POMGNT2: variants seen among roughly 807,000 people sequenced by gnomAD.
The protein encoded by POMGNT2 is protein O-linked mannose N-acetylglucosaminyltransferase 2 (beta 1,4-).
A neutral mutation model predicts 37.8 loss-of-function variants in POMGNT2; 32 were observed. The ratio of observed to expected loss-of-function variants is 0.85; its 90% confidence interval spans 0.64 to 1.14. The LOEUF is 1.14. Among genes scored for constraint, POMGNT2 ranks in the 50% most tolerant of loss-of-function variants. The probability of loss-of-function intolerance (pLI) is 0.00; values close to 1 mark genes in which losing one functional copy is unlikely to be tolerated. For synonymous variants in POMGNT2, 340 were observed against 336.8 expected (o/e 1.01, Z -0.10); for missense variants, 705 against 780.6 (o/e 0.90, Z 1.15).
intron 1 of POMGNT2, among the ~76,000 whole-genome samples, chr3:43,095,387 C>T (rs894209885): frequency 3.3e-5 from 5 of 152,242 alleles, no homozygotes; most frequent in Admixed American, 6.5e-5. Context: ...CTTACAGAGC[C>T]TCCAATGAGA....
Position 43,080,987 on chromosome 3 carries a change from C to G in POMGNT2, c.445G>C (p.Val149Leu). 6.2e-7 allele frequency: 1 copy of G among 1,614,212 alleles called. No individual in the cohort carries two copies. Among genetic ancestry groups the G allele is most frequent in the Non-Finnish European group, 8.5e-7 (1 of 1,180,028 alleles). The change falls in exon 2 of 2, where the codon GTG becomes CTG. Residue 149 changes from valine to leucine, a missense_variant. Val to Leu is a conservative substitution (Grantham distance 32). Transcript: ENST00000344697. Reference protein sequence around the residue: ...ALRFMPKPVFVPDVALIANRF... With the variant: ...ALRFMPKPVFLPDVALIANRF... ...TTGGCGATGAGGGCCACGTCTGGCACGAACACCGGCTTGGGCATGAAGCGC... is the reference window on the plus strand; with the variant it reads ...TTGGCGATGAGGGCCACGTCTGGCAGGAACACCGGCTTGGGCATGAAGCGC...
intron 1 of POMGNT2, among the ~76,000 whole-genome samples, chr3:43,105,347 C>T (rs1227239377): frequency 6.6e-6 from 1 of 152,218 alleles, no homozygotes; most frequent in Non-Finnish European, 1.5e-5. Context: ...CCCAAAGCGC[C>T]CAGGAATCAG....
chr3:43,089,214 G>T (rs2089923033), intron 1 of POMGNT2, among the ~76,000 whole-genome samples: 1 of 152,240 alleles, frequency 6.6e-6, no homozygotes, highest in South Asian at 2.1e-4. Flanking sequence ...CAGAAGGTGG[G>T]CTTCAGTGAG....
chr3:43,079,918 G>A lies in POMGNT2; in HGVS notation c.1514C>T (p.Ser505Phe), dbSNP rs144799574. The A allele has an allele frequency of 4.3e-6, 7 of 1,614,040 alleles. No homozygotes were observed. Among genetic ancestry groups the A allele is most frequent in the Admixed American group, 3.3e-5 (2 of 60,004 alleles). ...TTTAAGGTTCCATGGGATCTGCCAG[G>A]AGACAGTGAGGCGGGCCTCGGAGGC... ...HGASEARLTV[S>F]WQIPWNLKYL... The change falls in exon 2 of 2, where the codon TCC becomes TTC. Residue 505 changes from serine to phenylalanine, a missense_variant. Transcript: ENST00000344697.
intron 1 of POMGNT2, among the ~76,000 whole-genome samples, chr3:43,102,416 A>AAAG: frequency 6.6e-6 from 1 of 152,346 alleles, no homozygotes; most frequent in Middle Eastern, 3.4e-3. Context: ...TGGCAGAGTG[A>AAAG]AAGATCTGAT....
chr3:43,091,214 G>A (rs2089940685), intron 1 of POMGNT2, among the ~76,000 whole-genome samples: 1 of 151,926 alleles, frequency 6.6e-6, no homozygotes, highest in Non-Finnish European at 1.5e-5. Context: ...GGCTAGGGCA[G>A]GGAAAGTACA....
chr3:43,080,280 A>G lies in POMGNT2; in HGVS notation c.1152T>C (p.Pro384=). ...YTPYKTLAML[P]GMDLQYVAWR... is the part of the protein sequence containing the mutation. ...AGGCTACATACTGGAGGTCCATGCC[A>G]GGCAGCATGGCCAGCGTCTTATAGG... The change falls in exon 2 of 2, where the codon CCT becomes CCC. Residue 384 remains proline, a synonymous_variant. Coordinates refer to ENST00000344697, the MANE Select transcript of POMGNT2 (RefSeq NM_032806.6). 6.2e-7 allele frequency: 1 copy of G among 1,614,160 alleles called. No homozygotes were observed. The highest frequency in any genetic ancestry group is 8.5e-7 in the Non-Finnish European group (1 of 1,179,982).
chr3:43,087,029 G>A (rs111386635), intron 1 of POMGNT2, among the ~76,000 whole-genome samples: 3,074 of 152,272 alleles, frequency 0.02, 111 homozygotes, highest in African/African-American at 0.07. Context: ...AAGGCCATGT[G>A]AAGATGAAGA....
At chr3:43,100,116 T>G (rs545461830) in intron 1 of POMGNT2, among the ~76,000 whole-genome samples, 1 of 152,170 alleles carries the variant, frequency 6.6e-6, no homozygotes, top group African/African-American at 2.4e-5. Context: ...TCTCCTACAC[T>G]CTTACCCAGA....
At chr3:43,105,560 C>T (rs1439977339) in intron 1 of POMGNT2, among the ~76,000 whole-genome samples, 1 of 149,968 alleles carries the variant, frequency 6.7e-6, no homozygotes, top group South Asian at 2.1e-4. Flanking sequence ...TGCCCAGGTC[C>T]CCGGCCCCCG....
intron 1 of POMGNT2, among the ~76,000 whole-genome samples, chr3:43,089,866 G>C (rs2089928351): frequency 6.6e-6 from 1 of 152,138 alleles, no homozygotes; most frequent in Admixed American, 6.5e-5. Context: ...GCTATGTTGA[G>C]GGCCCTGCAG....
chr3:43,095,702 A>C (rs1209867696), intron 1 of POMGNT2, among the ~76,000 whole-genome samples: 1 of 152,214 alleles, frequency 6.6e-6, no homozygotes. Flanking sequence ...ACAGGTGTGA[A>C]GCTTAGGTCT....
At chr3:43,100,119 T>C (rs2125711561) in intron 1 of POMGNT2, among the ~76,000 whole-genome samples, 1 of 150,788 alleles carries the variant, frequency 6.6e-6, no homozygotes, top group African/African-American at 2.5e-5. Context: ...CCTACACTCT[T>C]ACCCAGATTC....
At chr3:43,093,833 T>C (rs1313734100) in intron 1 of POMGNT2, among the ~76,000 whole-genome samples, 1 of 152,166 alleles carries the variant, frequency 6.6e-6, no homozygotes, top group Non-Finnish European at 1.5e-5. Context: ...TCCCCATTCA[T>C]GTTTACAAGT....
In POMGNT2 at chr3:43,080,703, G is replaced by A; in HGVS notation, c.729C>T (p.Tyr243=). ...FVGLSKITTW[Y]QYGFVQPQGP... The stretch of plus-strand genomic sequence containing the variant: ...CCTGGGGCTGCACAAAGCCATACTG[G>A]TACCAGGTAGTGATCTTGGAGAGGC... The change falls in exon 2 of 2, where the codon TAC becomes TAT. Residue 243 remains tyrosine, a synonymous_variant. Coordinates refer to ENST00000344697, the MANE Select transcript of POMGNT2 (RefSeq NM_032806.6). 6.2e-7 allele frequency: 1 copy of A among 1,614,182 alleles called. No homozygotes were observed.
At position 43,080,907 on chromosome 3, in the gene POMGNT2, G is replaced by A. The variant is rs956081683; in HGVS notation, c.525C>T (p.Leu175=). Residue 175 remains leucine, a synonymous_variant, in exon 2 of 2, where the codon CTC becomes CTT. Coordinates refer to ENST00000344697, the MANE Select transcript of POMGNT2 (RefSeq NM_032806.6). ...MHVFHDDLLP[L]FYTLRQFPGL... is the part of the protein sequence containing the mutation. The stretch of plus-strand genomic sequence containing the variant: ...CGGGAAACTGCCGCAGGGTGTAGAA[G>A]AGTGGCAGCAGGTCGTCATGAAAGA... The A allele has an allele frequency of 5.0e-6, 8 of 1,614,010 alleles. No individual in the cohort carries two copies. The highest frequency in any genetic ancestry group is 6.8e-6 in the Non-Finnish European group (8 of 1,180,008).
chr3:43,091,340 T>C (rs1180282169), intron 1 of POMGNT2, among the ~76,000 whole-genome samples: 1 of 152,114 alleles, frequency 6.6e-6, no homozygotes, highest in Non-Finnish European at 1.5e-5. Context: ...CAGCTAAATC[T>C]TGGATAATTT....
intron 1 of POMGNT2, among the ~76,000 whole-genome samples, chr3:43,084,264 G>T (rs1438933670): frequency 6.6e-6 from 1 of 152,018 alleles, no homozygotes; most frequent in Non-Finnish European, 1.5e-5. Context: ...CCCCAAATGT[G>T]GGAAATAGCC....
chr3:43,094,633 G>C (rs2089966571), intron 1 of POMGNT2, among the ~76,000 whole-genome samples: 1 of 152,182 alleles, frequency 6.6e-6, no homozygotes, highest in Non-Finnish European at 1.5e-5. Context: ...TGACTGTTCA[G>C]GGCAGTCTGT....
Sources: allele counts gnomAD v4.1 joint callset (sites outside exome capture counted in the v4.1 genomes callset), GRCh38; gene constraint gnomAD v4.1.1; transcripts MANE v1.5; gene names NCBI Gene and HGNC (gene_info 2026-07-23, HGNC 2026-07-21).